CHIC2: variants seen among roughly 807,000 people sequenced by gnomAD.
CHIC2 encodes cysteine rich hydrophobic domain 2.
In CHIC2, 14 loss-of-function variants were observed where a neutral mutation model predicts 25.9. That is an observed-to-expected ratio of 0.54 (90% confidence interval 0.36 to 0.85). The LOEUF is 0.85. Among genes scored for constraint, CHIC2 ranks in the 40% least tolerant of loss-of-function variants. CHIC2 has a pLI of 0.01. For synonymous variants in CHIC2, 70 were observed against 72.0 expected, an observed-to-expected ratio of 0.97 and a Z score of 0.14; for missense variants, 146 against 202.0, an observed-to-expected ratio of 0.72 and a Z score of 1.68.
chr4:54,084,435 T>C, the CHIC2 span, among the ~76,000 whole-genome samples: 1 of 152,060 alleles, frequency 6.6e-6, no homozygotes, highest in Admixed American at 6.6e-5. Context: ...GGAATTGTGA[T>C]TATATTAGGC....
At chr4:54,025,591 G>A (rs529093398) in intron 3 of CHIC2, among the ~76,000 whole-genome samples, 86 of 152,266 alleles carry the variant, frequency 5.6e-4, no homozygotes, top group Non-Finnish European at 9.6e-4. Flanking sequence ...GGGCGCAATA[G>A]CTCACGCCTG....
upstream of CHIC2, among the ~76,000 whole-genome samples, chr4:54,065,855 G>A (rs1380148630): frequency 6.6e-6 from 1 of 152,210 alleles, no homozygotes; most frequent in African/African-American, 2.4e-5. Context: ...CCTCCTTTTG[G>A]AAACAACTGA....
the CHIC2 span, among the ~76,000 whole-genome samples, chr4:54,077,251 T>C: frequency 1.3e-5 from 2 of 152,350 alleles, no homozygotes; most frequent in South Asian, 4.1e-4. Flanking sequence ...TCTTTTTTTC[T>C]AGAGAATGAA....
Position 54,026,984 on chromosome 4 carries a change from C to T in CHIC2, c.331-12865G>A, listed in dbSNP as rs574243496. ...CCTGAGACAAATAACATATGTATGA[C>T]ATGCAAGTTTTCTTAGCCACTAACA... is the stretch of plus-strand genomic sequence containing the variant. On this transcript the variant is annotated intron_variant, in intron 3 of 5. Coordinates refer to ENST00000263921, the MANE Select transcript of CHIC2 (RefSeq NM_012110.4). Among the ~76,000 whole-genome samples the T allele has an allele frequency of 2.0e-5, 3 of 152,246 alleles. No individual in the cohort carries two copies. In the South Asian group the frequency reaches 6.2e-4, roughly 32 times the overall value.
chr4:54,044,959 A>G (rs1716734427), intron 3 of CHIC2, among the ~76,000 whole-genome samples: 7 of 152,228 alleles, frequency 4.6e-5, no homozygotes, highest in Admixed American at 4.6e-4. Flanking sequence ...AAAAATGATA[A>G]AGGGGATATC....
At chr4:54,061,697 T>A (rs1409165231) in intron 1 of CHIC2, among the ~76,000 whole-genome samples, 1 of 152,102 alleles carries the variant, frequency 6.6e-6, no homozygotes, top group Non-Finnish European at 1.5e-5. Context: ...CCCACTGGCA[T>A]GGTGTGCTAG....
chr4:54,018,242 A>G (rs1256934318), intron 3 of CHIC2, among the ~76,000 whole-genome samples: 1 of 152,192 alleles, frequency 6.6e-6, no homozygotes, highest in Admixed American at 6.5e-5. Context: ...TAAGCTTATA[A>G]CAGCAAAGCA....
In CHIC2 at chr4:54,064,216, G is replaced by C. The variant is rs1717431568; in HGVS notation, c.85C>G (p.Pro29Ala). The change falls in exon 1 of 6, where the codon CCG becomes GCG. Residue 29 changes from proline (P) to alanine (A), a missense_variant. Physicochemically the swap from Pro to Ala is conservative, Grantham distance 27. Transcript: ENST00000263921. This position sits in a 1 kb window ranked among gnomAD's most constrained non-coding sequence, Gnocchi z 4.2. ...TGACCGGAGCCGCGGACGACCACCG[G>C]GTCCGGCGAGTACTTGAGCAGCTGC... ...EEQLLKYSPD[P>A]VVVRGSGHVT... 6 of 1,607,102 alleles carry C rather than the reference G, an allele frequency of 3.7e-6. No individual in the cohort carries two copies. The highest frequency in any genetic ancestry group is 1.1e-5 in the South Asian group (1 of 89,776).
At chr4:54,049,343 T>C (rs756959191) in intron 1 of CHIC2, 38 bp from the exon 2 acceptor site, 3 of 1,358,370 alleles carry the variant, frequency 2.2e-6, no homozygotes, top group Admixed American at 2.0e-5. Flanking sequence ...TATTACATGT[T>C]ATTGTTGCCA....
At chr4:54,033,334 T>A (rs1046581201) in intron 3 of CHIC2, among the ~76,000 whole-genome samples, 5 of 152,216 alleles carry the variant, frequency 3.3e-5, no homozygotes, top group African/African-American at 1.2e-4. Context: ...TAATTTTTCA[T>A]TTACATATCT....
At chr4:54,059,930 G>A (rs1301920528) in intron 1 of CHIC2, 1 of 152,160 alleles carries the variant, frequency 6.6e-6, no homozygotes, top group Admixed American at 6.5e-5. Context: ...TTTCAAAACA[G>A]AAAGCTTAAT....
At chr4:54,042,117 C>T (rs1356402900) in intron 3 of CHIC2, among the ~76,000 whole-genome samples, 1 of 152,038 alleles carries the variant, frequency 6.6e-6, no homozygotes, top group Non-Finnish European at 1.5e-5. Flanking sequence ...TGAAGTGTCA[C>T]TCTTACCATG....
chr4:54,074,175 G>A, the CHIC2 span, among the ~76,000 whole-genome samples: 8 of 151,932 alleles, frequency 5.3e-5, no homozygotes, highest in Admixed American at 5.2e-4. Context: ...AAAAGTCATA[G>A]GTTTTTTTCT....
the CHIC2 span, chr4:54,087,679 G>A: frequency 3.7e-6 from 2 of 543,518 alleles, no homozygotes; most frequent in South Asian, 7.9e-5. Flanking sequence ...GTTATTGTTG[G>A]GCCATTTGCA....
In CHIC2 at chr4:54,064,475, G is replaced by A. The variant is rs1026202578; in HGVS notation, c.-175C>T. ...CTACAGAGGGGATGGGGTCTGGACCGTCGCCGCCACCGCCGCCGCCATTAC... is the reference window on the plus strand; with the variant it reads ...CTACAGAGGGGATGGGGTCTGGACCATCGCCGCCACCGCCGCCGCCATTAC... On this transcript the variant is annotated 5_prime_UTR_variant, in exon 1 of 6. In the 5' UTR this introduces an upstream ATG that the reference lacks. Coordinates refer to ENST00000263921, the MANE Select transcript of CHIC2 (RefSeq NM_012110.4). The surrounding 1 kb of genome is among the most constrained non-coding windows in gnomAD (Gnocchi z 4.2). The A allele has an allele frequency of 1.0e-5, 15 of 1,450,034 alleles. No individual in the cohort carries two copies. In the African/African-American group the frequency reaches 1.3e-4, roughly 13 times the overall value. 89.8% of individuals were successfully genotyped at this position (1,450,034 alleles called of 1,614,324 possible). A position where few individuals can be genotyped will look rare whatever the true frequency, so the allele number is the denominator to read the frequency against.
intron 1 of CHIC2, among the ~76,000 whole-genome samples, chr4:54,051,297 G>T (rs1477533300): frequency 6.6e-6 from 1 of 151,892 alleles, no homozygotes; most frequent in Non-Finnish European, 1.5e-5. Context: ...TGCCAACCCA[G>T]GTTCAATTAA....
chr4:54,020,031 G>A (rs143723664), intron 3 of CHIC2, among the ~76,000 whole-genome samples: 207 of 152,238 alleles, frequency 1.4e-3, no homozygotes, highest in African/African-American at 4.4e-3. Flanking sequence ...CGGCTATCAG[G>A]AATTTTTAAA....
chr4:54,035,003 CTT>C (rs1172204890), intron 3 of CHIC2, among the ~76,000 whole-genome samples: 1 of 152,012 alleles, frequency 6.6e-6, no homozygotes, highest in Non-Finnish European at 1.5e-5. Flanking sequence ...TGTGGTTTTT[CTT>C]TTTAGTTTAG....
At chr4:54,042,819 T>C (rs977970428) in intron 3 of CHIC2, among the ~76,000 whole-genome samples, 1 of 152,218 alleles carries the variant, frequency 6.6e-6, no homozygotes, top group Non-Finnish European at 1.5e-5. Context: ...GTAAATATCA[T>C]AAGTCATTCT....
Sources: allele counts gnomAD v4.1 joint callset (sites outside exome capture counted in the v4.1 genomes callset), GRCh38; gene constraint gnomAD v4.1.1; non-coding constraint Gnocchi (gnomAD v3.1); transcripts MANE v1.5; gene names NCBI Gene and HGNC (gene_info 2026-07-23, HGNC 2026-07-21).